The following TLK1 variants were observed in gnomAD, a reference collection of about 807,000 sequenced individuals.
The protein encoded by TLK1 is tousled like kinase 1.
In TLK1, 24 loss-of-function variants were observed where a neutral mutation model predicts 105.3. The observed-to-expected ratio is 0.23, with a 90% CI of 0.17 to 0.32. The LOEUF (loss-of-function observed/expected upper bound fraction) is 0.32. Among genes scored for constraint, TLK1 ranks in the 10% least tolerant of loss-of-function variants. TLK1 has a pLI of 1.00. For missense variants in TLK1, 558 were observed against 910.5 expected (o/e 0.61, Z 4.98); for synonymous variants, 321 against 310.4 (o/e 1.03, Z -0.36).
chr2:171,013,615 AT>A (rs1372299635), intron 13 of TLK1, among the ~76,000 whole-genome samples: 1 of 152,088 alleles, frequency 6.6e-6, no homozygotes, highest in Non-Finnish European at 1.5e-5. Context: ...TTTCATTAGA[AT>A]TTTAATCTGA....
At chr2:171,195,828 C>G (rs1558987707) in intron 1 of TLK1, among the ~76,000 whole-genome samples, 4 of 151,894 alleles carry the variant, frequency 2.6e-5, no homozygotes. Flanking sequence ...GCTGGCAGAT[C>G]ACCTGAGGTC....
chr2:171,127,226 G>A lies in TLK1; in HGVS notation c.140-9369C>T, dbSNP rs1690904695. On this transcript the variant is annotated intron_variant, in intron 1 of 20. Coordinates refer to ENST00000431350, the MANE Select transcript of TLK1 (RefSeq NM_012290.5). ...CGGGAGGCGGAGGTTGCAGTGAGCT[G>A]AGATCATGTCACTGCACTCCAGCCT... Among the ~76,000 whole-genome samples the A allele has an allele frequency of 3.4e-5, 5 of 147,900 alleles. No homozygotes were observed. The Admixed American group carries it at 3.4e-4, about 10-fold the overall frequency.
chr2:171,135,741 G>A (rs1328683075), intron 1 of TLK1, among the ~76,000 whole-genome samples: 1 of 152,078 alleles, frequency 6.6e-6, no homozygotes, highest in Non-Finnish European at 1.5e-5. Context: ...GGCAGAGGCT[G>A]CAGTGAGCTG....
intron 1 of TLK1, among the ~76,000 whole-genome samples, chr2:171,144,197 T>C (rs959607997): frequency 8.5e-5 from 13 of 152,052 alleles, no homozygotes; most frequent in Admixed American, 8.5e-4. Flanking sequence ...CTGACAGAAT[T>C]AAAGGGAGAA....
upstream of TLK1, among the ~76,000 whole-genome samples, chr2:171,164,973 A>G (rs1404993391): frequency 6.6e-6 from 1 of 152,146 alleles, no homozygotes; most frequent in Non-Finnish European, 1.5e-5. Flanking sequence ...AAAAAGAAAA[A>G]GATTAGATGG....
intron 3 of TLK1, among the ~76,000 whole-genome samples, chr2:171,081,223 G>GA (rs773399136): frequency 1.3e-5 from 2 of 152,080 alleles, no homozygotes; most frequent in South Asian, 2.1e-4. Context: ...TAATTCCTCT[G>GA]AAAAAATCCA....
intron 18 of TLK1, among the ~76,000 whole-genome samples, chr2:171,001,430 A>G (rs567363127): frequency 6.6e-6 from 1 of 152,308 alleles, no homozygotes; most frequent in South Asian, 2.1e-4. Context: ...TCCTGACTTC[A>G]GGGATAAAGC....
chr2:171,033,410 C>T (rs1686145654), intron 11 of TLK1, among the ~76,000 whole-genome samples: 1 of 150,954 alleles, frequency 6.6e-6, no homozygotes, highest in South Asian at 2.1e-4. Context: ...ATGATGGTTA[C>T]TAGAGGCTGG....
chr2:171,156,094 A>G (rs1692221987), intron 1 of TLK1, among the ~76,000 whole-genome samples: 1 of 152,166 alleles, frequency 6.6e-6, no homozygotes, highest in African/African-American at 2.4e-5. Context: ...AAAACAAAAA[A>G]CAAAAAACTG....
intron 2 of TLK1, among the ~76,000 whole-genome samples, chr2:171,111,073 AAC>A (rs1274797117): frequency 6.6e-6 from 1 of 152,208 alleles, no homozygotes; most frequent in Non-Finnish European, 1.5e-5. Context: ...AGAAGAAAAA[AAC>A]AGTGAAAAAA....
intron 1 of TLK1, among the ~76,000 whole-genome samples, chr2:171,218,916 T>C (rs1286320875): frequency 1.3e-5 from 2 of 152,114 alleles, no homozygotes; most frequent in African/African-American, 2.4e-5. Flanking sequence ...ATAGTAAATT[T>C]TATATTTTGT....
At chr2:171,102,629 C>G (rs567582820) in intron 2 of TLK1, among the ~76,000 whole-genome samples, 6 of 152,160 alleles carry the variant, frequency 3.9e-5, no homozygotes, top group African/African-American at 9.7e-5. Context: ...AAATTCACTA[C>G]GTTATTTCTA....
intron 1 of TLK1, chr2:171,155,838 T>G (rs1208009314): frequency 1.3e-5 from 2 of 152,196 alleles, no homozygotes; most frequent in Non-Finnish European, 2.9e-5. Context: ...CCTCAATGTC[T>G]TCCTAATTTT....
At chr2:171,003,623 T>C (rs1684503226) in intron 18 of TLK1, among the ~76,000 whole-genome samples, 1 of 152,220 alleles carries the variant, frequency 6.6e-6, no homozygotes, top group South Asian at 2.1e-4. Flanking sequence ...GAGAGATTAA[T>C]TGCTCGGAGA....
chr2:171,082,873 G>C, intron 2 of TLK1, 21 bp from the exon 3 acceptor site: 1 of 1,571,376 alleles, frequency 6.4e-7, no homozygotes, highest in Admixed American at 1.9e-5. Context: ...TTTTTTAAAA[G>C]GTAAAAATTA....
intron 2 of TLK1, among the ~76,000 whole-genome samples, chr2:171,093,288 T>C (rs1453452714): frequency 1.3e-5 from 2 of 152,030 alleles, no homozygotes; most frequent in African/African-American, 4.8e-5. Context: ...ATGGGAAAAA[T>C]TTTGTCTAGG....
At chr2:171,109,433 C>T (rs1054535998) in intron 2 of TLK1, among the ~76,000 whole-genome samples, 33 of 152,150 alleles carry the variant, frequency 2.2e-4, no homozygotes, top group Admixed American at 1.9e-3. Context: ...ACAGTTACAG[C>T]AGTTCCTGGA....
At position 171,046,165 on chromosome 2, in the gene TLK1, G is replaced by A. The variant is rs1391147723; in HGVS notation, c.1169+9C>T. ...TTTTAAAAAAGAAAAATTTTAAATG[G>A]AGGCTTACAGTTGTGGTAAATTTGG... On this transcript the variant is annotated intron_variant, in intron 11 of 20. Transcript: ENST00000431350. 2 of 1,510,448 alleles carry A rather than the reference G, an allele frequency of 1.3e-6. No individual in the cohort carries two copies. The highest frequency in any genetic ancestry group is 1.8e-6 in the Non-Finnish European group (2 of 1,131,404). The allele number at this position is 1,510,448 out of a possible 1,614,324, so 93.6% of individuals were successfully genotyped here.
chr2:171,086,719 T>C (rs903239081), intron 2 of TLK1, among the ~76,000 whole-genome samples: 4 of 151,728 alleles, frequency 2.6e-5, no homozygotes, highest in African/African-American at 9.7e-5. Flanking sequence ...CAGCTTTTGC[T>C]GAGGGGAAGG....
Sources: allele counts gnomAD v4.1 joint callset (sites outside exome capture counted in the v4.1 genomes callset), GRCh38; gene constraint gnomAD v4.1.1; transcripts MANE v1.5; gene names NCBI Gene and HGNC (gene_info 2026-07-23, HGNC 2026-07-21).